The following DNAH14 variants were observed in gnomAD, a reference collection of about 807,000 sequenced individuals.
DNAH14 encodes axonemal beta dynein heavy chain 14.
Under a neutral mutation model 520.9 loss-of-function variants are expected in DNAH14, and 478 were observed. The observed-to-expected ratio is 0.92, with a 90% CI of 0.85 to 0.99. The LOEUF (loss-of-function observed/expected upper bound fraction) is 0.99, where lower values mean the gene tolerates loss of function less well. DNAH14 is among the 50% of genes least tolerant of loss of function. The probability of loss-of-function intolerance (pLI) is 0.00; values close to 1 mark genes in which losing one functional copy is unlikely to be tolerated. For synonymous variants in DNAH14, 1,581 were observed against 1,757.2 expected, an observed-to-expected ratio of 0.90 and a Z score of 2.51; for missense variants, 4,831 against 5,234.5, an observed-to-expected ratio of 0.92 and a Z score of 2.38.
At chr1:225,136,070 T>G (rs1202486115) in intron 27 of DNAH14, among the ~76,000 whole-genome samples, 1 of 152,160 alleles carries the variant, frequency 6.6e-6, no homozygotes, top group Non-Finnish European at 1.5e-5. Context: ...ATGGGGCTCT[T>G]GAGGACAGTA....
At chr1:224,950,333 G>A (rs555941242) in intron 1 of DNAH14, among the ~76,000 whole-genome samples, 3 of 152,120 alleles carry the variant, frequency 2.0e-5, no homozygotes, top group South Asian at 4.2e-4. Flanking sequence ...GGTATTATGG[G>A]TGATATTTTT....
chr1:225,327,307 A>G (rs2094696012), intron 64 of DNAH14, among the ~76,000 whole-genome samples: 2 of 151,678 alleles, frequency 1.3e-5, no homozygotes, highest in African/African-American at 2.4e-5. Context: ...ACAGGCACCC[A>G]CCACCACGCC....
chr1:225,164,344 T>A (rs544562134), intron 35 of DNAH14, among the ~76,000 whole-genome samples: 15 of 152,272 alleles, frequency 9.9e-5, no homozygotes, highest in Admixed American at 5.9e-4. Flanking sequence ...GCTAGGTTTA[T>A]CTTCAAAAGT....
Position 225,273,048 on chromosome 1 carries a change from C to A in DNAH14, c.7933C>A (p.His2645Asn). 1 of 1,551,670 alleles carries A rather than the reference C, an allele frequency of 6.4e-7. No homozygotes were observed. Among genetic ancestry groups the A allele is most frequent in the Non-Finnish European group, 8.7e-7 (1 of 1,146,992 alleles). ...TGTTCATGAAGCCACCCGAGTATTT[C>A]ACGATCGCTTAATTGATTTCACTGA... ...LFVHEATRVF[H>N]DRLIDFTDKS... The change falls in exon 52 of 86, where the codon CAC becomes AAC. Residue 2645 changes from histidine to asparagine, a missense_variant. Transcript: ENST00000682510.
chr1:225,198,915 T>G (rs1573929527), intron 38 of DNAH14, among the ~76,000 whole-genome samples: 1 of 152,228 alleles, frequency 6.6e-6, no homozygotes. Context: ...TAAGATAGAT[T>G]GCTACCAATT....
At chr1:225,344,139 G>T (rs1205110464) in intron 69 of DNAH14, among the ~76,000 whole-genome samples, 1 of 150,896 alleles carries the variant, frequency 6.6e-6, no homozygotes, top group Admixed American at 6.6e-5. Context: ...AGTAAAAATT[G>T]TTCTTGAAAA....
intron 35 of DNAH14, among the ~76,000 whole-genome samples, chr1:225,164,207 A>G (rs2081822057): frequency 6.6e-6 from 1 of 152,046 alleles, no homozygotes; most frequent in Non-Finnish European, 1.5e-5. Flanking sequence ...TTAAAGTTGT[A>G]AGTTATATAT....
At chr1:225,059,372 T>G in intron 17 of DNAH14, among the ~76,000 whole-genome samples, 1 of 152,214 alleles carries the variant, frequency 6.6e-6, no homozygotes, top group Non-Finnish European at 1.5e-5. Context: ...TGTTTTCCAT[T>G]TGCTTGGTAG....
At chr1:225,022,783 ACATT>A (rs1178730537) in intron 10 of DNAH14, among the ~76,000 whole-genome samples, 1 of 152,218 alleles carries the variant, frequency 6.6e-6, no homozygotes, top group Non-Finnish European at 1.5e-5. Flanking sequence ...CCAAAAAGAC[ACATT>A]CATGCTTATG....
intron 66 of DNAH14, among the ~76,000 whole-genome samples, chr1:225,336,829 G>A (rs1331882629): frequency 1.3e-5 from 2 of 152,170 alleles, no homozygotes; most frequent in Non-Finnish European, 1.5e-5. Context: ...GGTTATTATA[G>A]TAATTTCACT....
At chr1:225,198,168 C>T (rs117279607) in intron 38 of DNAH14, among the ~76,000 whole-genome samples, 45 of 151,560 alleles carry the variant, frequency 3.0e-4, no homozygotes, top group East Asian at 7.8e-4. Flanking sequence ...ATATTGGTTG[C>T]GGGTTTTTCT....
intron 66 of DNAH14, among the ~76,000 whole-genome samples, chr1:225,335,992 C>CATATGCATATATGTATACGCAT (rs1291116406): frequency 1.5e-5 from 2 of 133,568 alleles, no homozygotes; most frequent in Non-Finnish European, 3.3e-5. Flanking sequence ...TATATACACA[C>CATATGCATATATGTATACGCAT]ATATGCATAT....
rs1313867159 is a variant in DNAH14 at position 225,340,474 on chromosome 1, A to T, written c.10451A>T (p.Glu3484Val). The T allele has an allele frequency of 1.3e-6, 2 of 1,550,826 alleles. No individual in the cohort carries two copies. The highest frequency in any genetic ancestry group is 4.9e-5 in the East Asian group (2 of 40,818). The change falls in exon 69 of 86, where the codon GAA becomes GTA. Residue 3484 changes from glutamate (E) to valine (V), a missense_variant. Physicochemically the swap from Glu to Val is moderately radical, Grantham distance 121. Coordinates refer to ENST00000682510, the MANE Select transcript of DNAH14 (RefSeq NM_001367479.1). ...ATGTTCAGGTTATACTTATCTACAGAAATAGACAACCCCCATTTTCTTCCA... is the reference window on the plus strand; with the variant it reads ...ATGTTCAGGTTATACTTATCTACAGTAATAGACAACCCCCATTTTCTTCCA... ...NSNFRLYLSTEIDNPHFLPSV... is the reference protein window; with the variant it reads ...NSNFRLYLSTVIDNPHFLPSV...
At chr1:225,227,063 C>T (rs2090605405) in intron 41 of DNAH14, among the ~76,000 whole-genome samples, 1 of 152,096 alleles carries the variant, frequency 6.6e-6, no homozygotes, top group Admixed American at 6.5e-5. Flanking sequence ...GGGTTTTACA[C>T]CGAGACATTT....
At chr1:225,106,408 G>C (rs1227737163) in intron 23 of DNAH14, among the ~76,000 whole-genome samples, 4 of 152,026 alleles carry the variant, frequency 2.6e-5, no homozygotes, top group African/African-American at 9.7e-5. Flanking sequence ...CTCTGTATTT[G>C]CTGAAGTTGA....
rs147348191 is a variant in DNAH14 at position 225,065,373 on chromosome 1, CTT to C, written c.2424+13579_2424+13580del. Among the ~76,000 whole-genome samples the C allele has an allele frequency of 5.0e-3, 760 of 151,580 alleles. 6 individuals carry two copies. The highest frequency in any genetic ancestry group is 0.017 in the African/African-American group (717 of 41,384). On this transcript the variant is annotated intron_variant, in intron 17 of 85. Transcript: ENST00000682510. ...GATAAAGACATTTGAAATTTATTCT[CTT>C]GGTGATTTTGAAATGCACAGTACAC...
intron 27 of DNAH14, among the ~76,000 whole-genome samples, chr1:225,131,244 A>G (rs1001959229): frequency 1.3e-5 from 2 of 152,182 alleles, no homozygotes; most frequent in African/African-American, 4.8e-5. Context: ...TGGTGCCTTA[A>G]AACAACACAG....
In DNAH14 at chr1:224,964,464, A is replaced by T; in HGVS notation, c.368-15A>T. The stretch of plus-strand genomic sequence containing the variant: ...ATTTGCACTTATACTGGATTTTTAA[A>T]TTGTTCTATACCAGAACCAAAAGAT... On this transcript the variant is annotated splice_polypyrimidine_tract_variant and intron_variant, in intron 4 of 85. Transcript: ENST00000682510. The T allele has an allele frequency of 6.3e-7, 1 of 1,589,786 alleles. No individual in the cohort carries two copies.
At chr1:225,283,629 T>C (rs577309951) in intron 54 of DNAH14, among the ~76,000 whole-genome samples, 2 of 152,194 alleles carry the variant, frequency 1.3e-5, no homozygotes, top group South Asian at 2.1e-4. Flanking sequence ...ATAGAGAAAC[T>C]AGACATAAAA....
Sources: gnomAD v4.1 joint callset for allele counts (sites outside exome capture counted in the v4.1 genomes callset) on GRCh38, gnomAD v4.1.1 for gene constraint, MANE v1.5 for transcripts, NCBI Gene and HGNC (gene_info 2026-07-23, HGNC 2026-07-21) for gene names.